CALN1: variants seen among roughly 807,000 people sequenced by gnomAD.
CALN1 encodes calcium-binding protein 8.
A neutral mutation model predicts 30.6 loss-of-function variants in CALN1; 17 were observed. That is an observed-to-expected ratio of 0.56 (90% confidence interval 0.38 to 0.83). The LOEUF (loss-of-function observed/expected upper bound fraction) is 0.83. CALN1 is among the 40% of genes least tolerant of loss of function. The pLI is 0.00. For missense variants in CALN1, 291 were observed against 354.9 expected, an observed-to-expected ratio of 0.82 and a Z score of 1.45; for synonymous variants, 156 against 131.4, an observed-to-expected ratio of 1.19 and a Z score of -1.28.
the CALN1 span, among the ~76,000 whole-genome samples, chr7:72,496,903 T>A: frequency 6.6e-6 from 1 of 152,076 alleles, no homozygotes; most frequent in Non-Finnish European, 1.5e-5. Flanking sequence ...GGGCTTATAG[T>A]CTTATGAGGC....
At chr7:72,317,875 G>T (rs946711537) in intron 2 of CALN1, among the ~76,000 whole-genome samples, 2 of 152,100 alleles carry the variant, frequency 1.3e-5, no homozygotes, top group African/African-American at 4.8e-5. Context: ...AGATGAAAAA[G>T]TAAGGACATG....
intron 5 of CALN1, among the ~76,000 whole-genome samples, chr7:71,982,461 G>A (rs749006258): frequency 3.3e-5 from 5 of 152,150 alleles, no homozygotes; most frequent in African/African-American, 4.8e-5. Flanking sequence ...GGGCATGGCA[G>A]TAGGTGCCTG....
chr7:72,230,730 C>T (rs1794036726), intron 3 of CALN1, among the ~76,000 whole-genome samples: 1 of 152,138 alleles, frequency 6.6e-6, no homozygotes, highest in South Asian at 2.1e-4. Flanking sequence ...AGATGCATTC[C>T]AAACTCCGAC....
At chr7:72,411,876 A>C (rs1284370579) in intron 1 of CALN1, among the ~76,000 whole-genome samples, 182 bp downstream of exon 1, 2 of 152,240 alleles carry the variant, frequency 1.3e-5, no homozygotes, top group East Asian at 3.8e-4. Context: ...CAAATAGTTG[A>C]TGAAGCAACT....
intron 4 of CALN1, among the ~76,000 whole-genome samples, chr7:72,081,249 T>A (rs898448969): frequency 6.6e-6 from 1 of 151,958 alleles, no homozygotes; most frequent in African/African-American, 2.4e-5. Context: ...AGGGTCTAGG[T>A]TATGTTAGCA....
intron 3 of CALN1, among the ~76,000 whole-genome samples, chr7:72,217,833 T>TC: frequency 1.1e-4 from 1 of 9,088 alleles, no homozygotes; most frequent in Non-Finnish European, 1.8e-4. Context: ...ATTAAATAAA[T>TC]TTTTTTTTTT....
intron 2 of CALN1, among the ~76,000 whole-genome samples, chr7:72,347,471 G>A (rs974370708): frequency 2.6e-5 from 4 of 151,892 alleles, no homozygotes; most frequent in African/African-American, 9.7e-5. Context: ...TCTCTATGTC[G>A]GTCAGGCTGG....
intron 5 of CALN1, among the ~76,000 whole-genome samples, chr7:72,012,962 A>AT (rs1800169832): frequency 6.6e-6 from 1 of 151,978 alleles, no homozygotes; most frequent in Non-Finnish European, 1.5e-5. Context: ...CGCTTGGCTG[A>AT]TTTTTTTGTA....
intron 5 of CALN1, among the ~76,000 whole-genome samples, chr7:71,873,597 C>G (rs1384379820): frequency 1.3e-5 from 2 of 149,058 alleles, no homozygotes; most frequent in Non-Finnish European, 3.0e-5. Flanking sequence ...CAAAGTTGCT[C>G]AAGAAAAAAA....
At position 72,310,851 on chromosome 7, in the gene CALN1, C is replaced by T. The variant is rs1386037892; in HGVS notation, c.120-32041G>A. Among the ~76,000 whole-genome samples, 7 of 148,890 alleles carry T rather than the reference C, an allele frequency of 4.7e-5. No homozygotes were observed. In the East Asian group the frequency reaches 1.4e-3, roughly 29 times the overall value. The stretch of plus-strand genomic sequence containing the variant: ...CCGGGAGGTGGAGGTTGCAGTGAGC[C>T]GAGATCACGCCACTGCACTCTGTCG... On this transcript the variant is annotated intron_variant, in intron 2 of 6. Transcript: ENST00000395275.
intron 5 of CALN1, among the ~76,000 whole-genome samples, chr7:71,820,686 T>C (rs1788536353): frequency 6.6e-6 from 1 of 152,338 alleles, no homozygotes; most frequent in South Asian, 2.1e-4. Flanking sequence ...GTTTAAATTT[T>C]TCAGGAACAG....
intron 4 of CALN1, among the ~76,000 whole-genome samples, chr7:72,057,661 A>G (rs956608651): frequency 6.6e-6 from 1 of 152,054 alleles, no homozygotes; most frequent in African/African-American, 2.4e-5. Flanking sequence ...TTGATATTGT[A>G]TTGTGAAGAT....
At chr7:72,084,607 C>T (rs544435898) in intron 4 of CALN1, among the ~76,000 whole-genome samples, 8 of 151,706 alleles carry the variant, frequency 5.3e-5, no homozygotes, top group Middle Eastern at 3.2e-3. Context: ...GTGATCCACC[C>T]GCCTCGGCCT....
At chr7:72,029,898 A>C (rs1168727802) in intron 4 of CALN1, among the ~76,000 whole-genome samples, 1 of 152,174 alleles carries the variant, frequency 6.6e-6, no homozygotes. Flanking sequence ...CAAGGAGGGA[A>C]CCTCTGATTT....
intron 2 of CALN1, among the ~76,000 whole-genome samples, chr7:72,319,193 T>A (rs1800702658): frequency 6.6e-6 from 1 of 152,188 alleles, no homozygotes; most frequent in East Asian, 1.9e-4. Context: ...ATATTCTGTA[T>A]TATTTCGTTT....
chr7:72,411,967 A>ACTATGAAAG (rs1272625443), intron 1 of CALN1, 91 bp downstream of exon 1: 3 of 152,318 alleles, frequency 2.0e-5, no homozygotes, highest in Non-Finnish European at 4.4e-5. Context: ...TTGTCTCCAG[A>ACTATGAAAG]CTATGAAAGT....
intron 3 of CALN1, among the ~76,000 whole-genome samples, chr7:72,169,731 C>A (rs1304738171): frequency 6.6e-6 from 1 of 151,966 alleles, no homozygotes; most frequent in Non-Finnish European, 1.5e-5. Flanking sequence ...ACTGTGTCAC[C>A]CAGGCTGGAG....
intron 3 of CALN1, among the ~76,000 whole-genome samples, chr7:72,236,994 T>TA (rs1357073954): frequency 1.3e-5 from 2 of 151,464 alleles, no homozygotes; most frequent in East Asian, 3.9e-4. Context: ...TTTTATTTTT[T>TA]TTTTTTTGAG....
intron 4 of CALN1, among the ~76,000 whole-genome samples, chr7:72,051,954 C>G (rs527379693): frequency 5.3e-5 from 8 of 152,298 alleles, no homozygotes; most frequent in African/African-American, 1.4e-4. Context: ...AGAGGAATTT[C>G]CATTAACATA....
Sources: allele counts gnomAD v4.1 joint callset (sites outside exome capture counted in the v4.1 genomes callset), GRCh38; gene constraint gnomAD v4.1.1; transcripts MANE v1.5; gene names NCBI Gene and HGNC (gene_info 2026-07-23, HGNC 2026-07-21).